PEAK1: variants seen among roughly 807,000 people sequenced by gnomAD.
The protein encoded by PEAK1 is pseudopodium enriched atypical kinase 1, also known as inactive tyrosine-protein kinase PEAK1.
Under a neutral mutation model 124.7 loss-of-function variants are expected in PEAK1, and 54 were observed. The observed-to-expected ratio is 0.43, with a 90% CI of 0.35 to 0.54. PEAK1 has a LOEUF of 0.54. PEAK1 is among the 20% of genes least tolerant of loss of function. The pLI, the probability that PEAK1 is intolerant of heterozygous loss-of-function variation, is 0.01. For synonymous variants in PEAK1, 719 were observed against 760.0 expected (o/e 0.95, Z 0.89); for missense variants, 2,046 against 2,134.5 (o/e 0.96, Z 0.82).
chr15:77,333,085 T>C lies in PEAK1; in HGVS notation c.-603+32078A>G, dbSNP rs568898821. The C allele has an allele frequency of 2.2e-5, 22 of 983,802 alleles. No individual in the cohort carries two copies. In the South Asian group the frequency reaches 2.8e-4, roughly 13 times the overall value. The allele number at this position is 983,802 out of a possible 1,614,324, so 60.9% of individuals were successfully genotyped here. A position where few individuals can be genotyped will look rare whatever the true frequency, so the allele number is the denominator to read the frequency against. ...ATAAATATTCCTTCATATTTGACAT[T>C]TGCCTTTCAATTTTGTTGATGGTAT... On this transcript the variant is annotated intron_variant, in intron 2 of 9. Coordinates refer to ENST00000682557, the MANE Select transcript of PEAK1 (RefSeq NM_001385026.1).
intron 5 of PEAK1, among the ~76,000 whole-genome samples, chr15:77,278,975 C>T (rs1364396980): frequency 1.3e-5 from 2 of 151,470 alleles, no homozygotes; most frequent in East Asian, 3.9e-4. Flanking sequence ...TGGGATTAGA[C>T]ACACGCCACC....
Position 77,230,300 on chromosome 15 carries a change from A to G in PEAK1, c.-115+22067T>C, listed in dbSNP as rs190425745. Among the ~76,000 whole-genome samples the G allele has an allele frequency of 2.9e-3, 441 of 151,960 alleles. 2 individuals are homozygous for G. The highest frequency in any genetic ancestry group is 0.01 in the African/African-American group (420 of 41,446). On this transcript the variant is annotated intron_variant, in intron 6 of 9. Coordinates refer to ENST00000682557, the MANE Select transcript of PEAK1 (RefSeq NM_001385026.1). ...ATGCAACCTCCACCACAGCTGTTCA[A>G]GTGATTCTCCTGCCTCAGCCTCCCA...
intron 2 of PEAK1, among the ~76,000 whole-genome samples, chr15:77,320,036 T>C (rs190322941): frequency 6.6e-6 from 1 of 152,346 alleles, no homozygotes; most frequent in East Asian, 1.9e-4. Flanking sequence ...TTTGTTTTTC[T>C]CTTAGTAATC....
At chr15:77,363,422 G>A (rs1055419079) in intron 2 of PEAK1, among the ~76,000 whole-genome samples, 7 of 152,092 alleles carry the variant, frequency 4.6e-5, no homozygotes, top group Non-Finnish European at 1.0e-4. Context: ...TCAACAGAGG[G>A]AAAACACTAA....
At position 77,133,548 on chromosome 15, in the gene PEAK1, A is replaced by G. The variant is rs2053061311; in HGVS notation, c.3534T>C (p.Ser1178=). Residue 1178 remains serine, a synonymous_variant, in exon 9 of 10, where the codon AGT becomes AGC. Coordinates refer to ENST00000682557, the MANE Select transcript of PEAK1 (RefSeq NM_001385026.1). The surrounding 1 kb of genome is among the most constrained non-coding windows in gnomAD (Gnocchi z 4.2). ...ISKDLQKSME[S]SLCVMANPTY... ...TGGGATTAGCCATGACACAAAGACTACTTTCCATGGATTTTTGGAGGTCCT... is the reference window on the plus strand; with the variant it reads ...TGGGATTAGCCATGACACAAAGACTGCTTTCCATGGATTTTTGGAGGTCCT... 1 of 1,614,072 alleles carries G rather than the reference A, an allele frequency of 6.2e-7. No individual in the cohort carries two copies. The highest frequency in any genetic ancestry group is 1.3e-5 in the African/African-American group (1 of 74,940).
chr15:77,334,287 A>G lies in PEAK1; in HGVS notation c.-603+30876T>C, dbSNP rs190650233. The G allele has an allele frequency of 7.7e-5, 76 of 985,182 alleles. 2 individuals are homozygous for G. In the African/African-American group the frequency reaches 1.2e-3, roughly 15 times the overall value. 61.0% of individuals were successfully genotyped at this position (985,182 alleles called of 1,614,324 possible). ...AGATTTTCTGGTAGATCACTTGTGC[A>G]TAATAGTAATGCTGTCTTCTCTTTT... On this transcript the variant is annotated intron_variant, in intron 2 of 9. Coordinates refer to ENST00000682557, the MANE Select transcript of PEAK1 (RefSeq NM_001385026.1).
chr15:77,130,977 C>A (rs1056448480), intron 9 of PEAK1, among the ~76,000 whole-genome samples: 2 of 152,338 alleles, frequency 1.3e-5, no homozygotes, highest in East Asian at 1.9e-4. Flanking sequence ...GAACCAGGAT[C>A]TGAACCCAAA....
At chr15:77,383,905 A>G (rs1160481879) in intron 1 of PEAK1, among the ~76,000 whole-genome samples, 4 of 152,210 alleles carry the variant, frequency 2.6e-5, no homozygotes, top group African/African-American at 9.6e-5. Flanking sequence ...CTCTAGCTCT[A>G]AAAATCAAAC....
intron 9 of PEAK1, among the ~76,000 whole-genome samples, chr15:77,121,131 T>C (rs1039804839): frequency 6.6e-6 from 1 of 152,170 alleles, no homozygotes; most frequent in Non-Finnish European, 1.5e-5. Flanking sequence ...GTTTGCTACC[T>C]GGGTATATCT....
intron 7 of PEAK1, among the ~76,000 whole-genome samples, chr15:77,174,952 T>C (rs2056755809): frequency 6.6e-6 from 1 of 151,358 alleles, no homozygotes; most frequent in African/African-American, 2.4e-5. Context: ...ACGCCACATA[T>C]CTACAACTAT....
At chr15:77,231,923 A>T (rs1158905989) in intron 6 of PEAK1, among the ~76,000 whole-genome samples, 1 of 152,200 alleles carries the variant, frequency 6.6e-6, no homozygotes, top group African/African-American at 2.4e-5. Flanking sequence ...ACTATGTTTA[A>T]ATAGATATAC....
chr15:77,339,738 T>G (rs1022405505), intron 2 of PEAK1, among the ~76,000 whole-genome samples: 1 of 152,178 alleles, frequency 6.6e-6, no homozygotes, highest in Non-Finnish European at 1.5e-5. Context: ...AGAAAATATT[T>G]GCAAAAGACA....
intron 6 of PEAK1, chr15:77,204,931 T>A: frequency 5.5e-6 from 1 of 182,232 alleles, no homozygotes; most frequent in Admixed American, 6.3e-5. Context: ...AAAGGACAAA[T>A]CTTCAGACAA....
intron 6 of PEAK1, among the ~76,000 whole-genome samples, chr15:77,246,997 GACAGTGTGA>G (rs2060619193): frequency 6.6e-6 from 1 of 152,202 alleles, no homozygotes; most frequent in African/African-American, 2.4e-5. Flanking sequence ...CAGCCTGGGT[GACAGTGTGA>G]GACTCCGTCT....
intron 2 of PEAK1, chr15:77,347,054 A>T: frequency 3.2e-6 from 1 of 310,806 alleles, no homozygotes; most frequent in Non-Finnish European, 4.7e-6. Flanking sequence ...CCAGTAAACC[A>T]CCAGTCTGAG....
At chr15:77,135,980 A>C (rs1267030973) in intron 8 of PEAK1, among the ~76,000 whole-genome samples, 3 of 152,240 alleles carry the variant, frequency 2.0e-5, no homozygotes, top group Non-Finnish European at 1.5e-5. Context: ...TGTGGAAGCA[A>C]CTTTGGAACT....
At chr15:77,294,406 A>G (rs1597151325) in intron 2 of PEAK1, among the ~76,000 whole-genome samples, 1 of 152,340 alleles carries the variant, frequency 6.6e-6, no homozygotes, top group East Asian at 1.9e-4. Flanking sequence ...CGATTATGAA[A>G]TAATATACCA....
At chr15:77,296,327 T>C (rs1289397467) in intron 2 of PEAK1, among the ~76,000 whole-genome samples, 2 of 149,922 alleles carry the variant, frequency 1.3e-5, no homozygotes, top group Non-Finnish European at 2.9e-5. Flanking sequence ...AATAAATAAA[T>C]GGGACCAGGC....
chr15:77,237,576 C>G (rs2060179511), intron 6 of PEAK1, among the ~76,000 whole-genome samples: 1 of 151,576 alleles, frequency 6.6e-6, no homozygotes. Flanking sequence ...GAATGTTTAT[C>G]TCTACATATC....
Sources: gnomAD v4.1 joint callset for allele counts (sites outside exome capture counted in the v4.1 genomes callset) on GRCh38, gnomAD v4.1.1 for gene constraint, Gnocchi (gnomAD v3.1) non-coding constraint, MANE v1.5 for transcripts, NCBI Gene and HGNC (gene_info 2026-07-23, HGNC 2026-07-21) for gene names.